LRP11: variants seen among roughly 807,000 people sequenced by gnomAD.
LRP11 encodes the protein low-density lipoprotein receptor-related protein 11.
A neutral mutation model predicts 43.1 loss-of-function variants in LRP11; 25 were observed. That is an observed-to-expected ratio of 0.58 (90% confidence interval 0.42 to 0.81). The LOEUF (loss-of-function observed/expected upper bound fraction) is 0.81, where lower values mean the gene tolerates loss of function less well. LRP11 is among the 30% of genes least tolerant of loss of function. The pLI, the probability that LRP11 is intolerant of heterozygous loss-of-function variation, is 0.00. For missense variants in LRP11, 623 were observed against 665.1 expected, an observed-to-expected ratio of 0.94 and a Z score of 0.70; for synonymous variants, 316 against 299.4, an observed-to-expected ratio of 1.06 and a Z score of -0.57.
chr6:149,857,826 A>T (rs1776824244), intron 1 of LRP11, among the ~76,000 whole-genome samples: 1 of 152,200 alleles, frequency 6.6e-6, no homozygotes. Context: ...CTGTCTTGAT[A>T]AATCAGCTCT....
intron 2 of LRP11, among the ~76,000 whole-genome samples, chr6:149,843,804 C>T (rs535410481): frequency 6.6e-6 from 1 of 152,326 alleles, no homozygotes; most frequent in South Asian, 2.1e-4. Flanking sequence ...CTGGCTGTGC[C>T]GTGCTTGCTG....
At chr6:149,847,824 T>TACAC (rs57292379) in intron 2 of LRP11, among the ~76,000 whole-genome samples, 2,627 of 131,074 alleles carry the variant, frequency 0.02, 32 homozygotes, top group Middle Eastern at 0.053. Context: ...TAAACTAAAT[T>TACAC]ACACACACAC....
chr6:149,821,506 T>C (rs1376288509), intron 6 of LRP11, among the ~76,000 whole-genome samples: 1 of 152,360 alleles, frequency 6.6e-6, no homozygotes, highest in East Asian at 1.9e-4. Context: ...AGTAGAACCT[T>C]TGTTGAAAAC....
intron 4 of LRP11, among the ~76,000 whole-genome samples, chr6:149,836,825 GAAAGA>G (rs995605951): frequency 1.7e-5 from 2 of 119,284 alleles, no homozygotes; most frequent in African/African-American, 6.5e-5. Flanking sequence ...ATAAAAAAAA[GAAAGA>G]AAAGAAAAAA....
intron 1 of LRP11, among the ~76,000 whole-genome samples, chr6:149,861,143 G>A (rs904493269): frequency 1.3e-5 from 2 of 152,102 alleles, no homozygotes; most frequent in African/African-American, 2.4e-5. Flanking sequence ...ATTTTCACAT[G>A]CTCACAACCC....
Position 149,861,695 on chromosome 6 carries a change from TC to T in LRP11, c.613+1712del, listed in dbSNP as rs201278963. On this transcript the variant is annotated intron_variant, in intron 1 of 6. Transcript: ENST00000239367. ...TGCCAGGATAATTTTTGTGTTTATT[TC>T]TTTTTAGCAAAGACGGGTTTTGTCA... Among the ~76,000 whole-genome samples the T allele has an allele frequency of 3.0e-3, 464 of 152,264 alleles. 4 individuals carry two copies. The highest frequency in any genetic ancestry group is 0.011 in the African/African-American group (443 of 41,548).
intron 1 of LRP11, among the ~76,000 whole-genome samples, chr6:149,857,045 A>C (rs1776810478): frequency 6.6e-6 from 1 of 152,172 alleles, no homozygotes. Context: ...GGTGCTGCTG[A>C]TAATAATTAT....
At chr6:149,858,966 C>T (rs1776843733) in intron 1 of LRP11, among the ~76,000 whole-genome samples, 1 of 152,184 alleles carries the variant, frequency 6.6e-6, no homozygotes, top group Non-Finnish European at 1.5e-5. Context: ...TACCAATTTA[C>T]ACCATCAGTG....
Position 149,820,309 on chromosome 6 carries a change from C to T in LRP11, c.*240G>A. The T allele has an allele frequency of 2.8e-6, 1 of 354,608 alleles. No homozygotes were observed. Among genetic ancestry groups the T allele is most frequent in the Non-Finnish European group, 5.1e-6 (1 of 195,220 alleles). The allele number at this position is 354,608 out of a possible 1,614,324, so 22.0% of individuals were successfully genotyped here. On this transcript the variant is annotated 3_prime_UTR_variant, in exon 7 of 7. Transcript: ENST00000239367. Reference sequence around the variant, plus strand: ...TACACATTTCTATTTTCAGGGACAGCTTACATAAATCAGAATTATATTTTT... The same window carrying T: ...TACACATTTCTATTTTCAGGGACAGTTTACATAAATCAGAATTATATTTTT...
chr6:149,823,272 G>A (rs1776299384), intron 6 of LRP11, among the ~76,000 whole-genome samples: 1 of 152,172 alleles, frequency 6.6e-6, no homozygotes, highest in South Asian at 2.1e-4. Flanking sequence ...TGGGAGTACA[G>A]AAGATGGAGG....
chr6:149,855,093 G>C (rs1295083579), intron 1 of LRP11, among the ~76,000 whole-genome samples: 1 of 152,130 alleles, frequency 6.6e-6, no homozygotes, highest in Non-Finnish European at 1.5e-5. Context: ...CCAGCACCAG[G>C]GTGTGGCAAC....
chr6:149,846,921 G>A (rs577964372), intron 2 of LRP11, among the ~76,000 whole-genome samples: 51 of 150,332 alleles, frequency 3.4e-4, no homozygotes, highest in Admixed American at 8.7e-4. Flanking sequence ...GTGACAGAGC[G>A]AGATCCTATC....
chr6:149,838,207 C>A (rs1776498409), intron 3 of LRP11, among the ~76,000 whole-genome samples: 1 of 151,764 alleles, frequency 6.6e-6, no homozygotes, highest in Admixed American at 6.6e-5. Flanking sequence ...GTGTTAGCCA[C>A]CGTGCCTGGC....
intron 1 of LRP11, 108 bp from the exon 2 acceptor site, chr6:149,853,268 G>C (rs747709524): frequency 3.7e-6 from 3 of 810,146 alleles, no homozygotes; most frequent in East Asian, 6.0e-5. Flanking sequence ...TAACTGCTAA[G>C]AGAATCCATA....
At chr6:149,832,263 C>A (rs1776418011) in intron 5 of LRP11, among the ~76,000 whole-genome samples, 1 of 142,724 alleles carries the variant, frequency 7.0e-6, no homozygotes. Context: ...GCAATCTTGG[C>A]TCACTGCAAC....
chr6:149,864,332 T>A lies in LRP11; in HGVS notation c.-312A>T. On this transcript the variant is annotated 5_prime_UTR_variant, in exon 1 of 7. Coordinates refer to ENST00000239367, the MANE Select transcript of LRP11 (RefSeq NM_032832.6). ...GGTGGCGACGAGTCGGCCTCGGCGTTGATCAGCACCAGGTGTGTGCGAACA... is the reference window on the plus strand; with the variant it reads ...GGTGGCGACGAGTCGGCCTCGGCGTAGATCAGCACCAGGTGTGTGCGAACA... The A allele has an allele frequency of 9.9e-7, 1 of 1,013,144 alleles. No homozygotes were observed. Among genetic ancestry groups the A allele is most frequent in the Non-Finnish European group, 1.2e-6 (1 of 848,546 alleles). The allele number at this position is 1,013,144 out of a possible 1,614,324, so 62.8% of individuals were successfully genotyped here.
chr6:149,846,798 G>A (rs1776639211), intron 2 of LRP11, among the ~76,000 whole-genome samples: 1 of 152,002 alleles, frequency 6.6e-6, no homozygotes, highest in South Asian at 2.1e-4. Context: ...AATTAGCCAG[G>A]TGGTGCATGC....
chr6:149,823,321 A>G lies in LRP11; in HGVS notation c.1349-2618T>C, dbSNP rs1776299839. Among the ~76,000 whole-genome samples the G allele has an allele frequency of 1.3e-5, 2 of 152,210 alleles. 1 individual carries two copies. The highest frequency in any genetic ancestry group is 4.1e-4 in the South Asian group (2 of 4,830). On this transcript the variant is annotated intron_variant, in intron 6 of 6. Coordinates refer to ENST00000239367, the MANE Select transcript of LRP11 (RefSeq NM_032832.6). ...TCTTTACACATTAAGAAATCTGAAC[A>G]TGATCACAGTCAGGAGAATGAGCCA...
At chr6:149,829,456 G>A (rs376988867) in intron 5 of LRP11, among the ~76,000 whole-genome samples, 34 of 152,206 alleles carry the variant, frequency 2.2e-4, no homozygotes, top group African/African-American at 8.0e-4. Flanking sequence ...AGCTACTTGG[G>A]AGGCTGAGGC....
Sources: gnomAD v4.1 joint callset for allele counts (sites outside exome capture counted in the v4.1 genomes callset) on GRCh38, gnomAD v4.1.1 for gene constraint, MANE v1.5 for transcripts, NCBI Gene and HGNC (gene_info 2026-07-23, HGNC 2026-07-21) for gene names.